NUCB1: variants seen among roughly 807,000 people sequenced by gnomAD.
The protein encoded by NUCB1 is nucleobindin-1.
Under a neutral mutation model 61.2 loss-of-function variants are expected in NUCB1, and 47 were observed. The observed-to-expected ratio is 0.77, with a 90% CI of 0.61 to 0.98. The LOEUF (loss-of-function observed/expected upper bound fraction) is 0.98. Ranked by LOEUF, NUCB1 falls within the 50% of genes least tolerant of loss-of-function variation. The probability of loss-of-function intolerance (pLI) is 0.00; values close to 1 mark genes in which losing one functional copy is unlikely to be tolerated. For missense variants in NUCB1, 583 were observed against 605.3 expected, an observed-to-expected ratio of 0.96 and a Z score of 0.39; for synonymous variants, 234 against 243.1, an observed-to-expected ratio of 0.96 and a Z score of 0.35.
chr19:48,908,647 C>CCGTG (rs1255234048), intron 4 of NUCB1, among the ~76,000 whole-genome samples: 3 of 50,032 alleles, frequency 6.0e-5, no homozygotes, highest in Non-Finnish European at 1.1e-4. Context: ...TTCTAGCTGC[C>CCGTG]CGTGTGTGTG....
At chr19:48,911,807 G>T (rs1478555223) in intron 5 of NUCB1, among the ~76,000 whole-genome samples, 1 of 151,970 alleles carries the variant, frequency 6.6e-6, no homozygotes, top group East Asian at 1.9e-4. Context: ...TGAGATTCCA[G>T]GTGGACATGA....
chr19:48,905,861 A>G lies in NUCB1; in HGVS notation c.352A>G (p.Lys118Glu). ...VSRLRMLLKA[K>E]MDAEQDPNVQ... ...ACGGCTGCGGATGCTGCTCAAGGCC[A>G]AGATGGACGCCGAGCAGGATCCCAG... Residue 118 changes from lysine to glutamate, a missense_variant, in exon 4 of 13, where the codon AAG (lysine) becomes GAG (glutamate). Lys to Glu is a moderately conservative substitution (Grantham distance 56). Coordinates refer to ENST00000405315, the MANE Select transcript of NUCB1 (RefSeq NM_006184.6). 6.4e-7 allele frequency: 1 copy of G among 1,553,342 alleles called. No individual in the cohort carries two copies. Among genetic ancestry groups the G allele is most frequent in the Admixed American group, 1.7e-5 (1 of 57,880 alleles).
intron 1 of NUCB1, 153 bp from the exon 2 acceptor site, chr19:48,900,633 C>G (rs1324123114): frequency 2.9e-6 from 3 of 1,032,694 alleles, no homozygotes; most frequent in African/African-American, 3.2e-5. Context: ...AAGGGAAGGC[C>G]GGAGGCCTGG....
chr19:48,921,775 T>C, intron 11 of NUCB1, 52 bp from the exon 12 acceptor site: 2 of 1,563,950 alleles, frequency 1.3e-6, no homozygotes, highest in Non-Finnish European at 1.8e-6. Context: ...CCTGAGCACT[T>C]GCAATGCCAG....
At chr19:48,906,842 C>A (rs1315220465) in intron 4 of NUCB1, among the ~76,000 whole-genome samples, 1 of 152,174 alleles carries the variant, frequency 6.6e-6, no homozygotes, top group Non-Finnish European at 1.5e-5. Flanking sequence ...TGCTTTGTCA[C>A]TCACGTTTGG....
At chr19:48,906,946 C>T (rs2037418673) in intron 4 of NUCB1, among the ~76,000 whole-genome samples, 2 of 151,734 alleles carry the variant, frequency 1.3e-5, no homozygotes, top group African/African-American at 4.9e-5. Flanking sequence ...TTTATCAGGT[C>T]ACACTGTTTT....
chr19:48,904,320 C>T, intron 2 of NUCB1, 27 bp from the exon 3 acceptor site: 1 of 1,477,446 alleles, frequency 6.8e-7, no homozygotes, highest in Non-Finnish European at 9.5e-7. Context: ...GGAGCAGGGG[C>T]TGCTATGTCT....
At chr19:48,905,994 C>T (rs568714072) in intron 4 of NUCB1, 109 bp downstream of exon 4, 2 of 1,165,384 alleles carry the variant, frequency 1.7e-6, no homozygotes, top group East Asian at 2.6e-5. Flanking sequence ...TCCCTCCCCG[C>T]TGCGAAATGT....
chr19:48,919,997 G>T lies in NUCB1; in HGVS notation c.1002+711G>T, dbSNP rs10426872. Among the ~76,000 whole-genome samples the T allele has an allele frequency of 4.0e-3, 611 of 152,160 alleles. 7 individuals are homozygous for T. The highest frequency in any genetic ancestry group is 0.014 in the African/African-American group (594 of 41,526). ...TCGGCCAGGCTGCTCTAGAACTGCT[G>T]GACTCAAGCGATCCACCTGACCTGG... On this transcript the variant is annotated intron_variant, in intron 10 of 12. Coordinates refer to ENST00000405315, the MANE Select transcript of NUCB1 (RefSeq NM_006184.6).
At position 48,913,086 on chromosome 19, in the gene NUCB1, G is replaced by C; in HGVS notation, c.556G>C (p.Glu186Gln). 6.2e-7 allele frequency: 1 copy of C among 1,613,712 alleles called. No homozygotes were observed. Among genetic ancestry groups the C allele is most frequent in the Middle Eastern group, 1.6e-4 (1 of 6,062 alleles). ...GCGCTACGAGATGCTTAAGGAACAC[G>C]AGAGACGGCGTTATCTGGAGTCACT... ...FKRYEMLKEH[E>Q]RRRYLESLGE... is the part of the protein sequence containing the mutation. The change falls in exon 6 of 13, where the codon GAG (glutamate) becomes CAG (glutamine). Residue 186 changes from glutamate (E) to glutamine (Q), a missense_variant. Glu to Gln is a conservative substitution (Grantham distance 29). Transcript: ENST00000405315.
At chr19:48,905,984 T>TC (rs879869426) in intron 4 of NUCB1, 99 bp downstream of exon 4, 8 of 1,286,146 alleles carry the variant, frequency 6.2e-6, no homozygotes, top group Non-Finnish European at 8.7e-6. Context: ...AGGTGAGGCC[T>TC]CCCTCCCCGC....
intron 5 of NUCB1, 115 bp downstream of exon 5, chr19:48,911,367 T>G (rs2037470207): frequency 2.8e-6 from 2 of 702,046 alleles, no homozygotes; most frequent in East Asian, 2.8e-5. Flanking sequence ...TCTCTGAGGT[T>G]GGAGGCTGGT....
intron 6 of NUCB1, 134 bp from the exon 7 acceptor site, chr19:48,913,340 C>T (rs936577272): frequency 4.2e-6 from 5 of 1,204,538 alleles, no homozygotes; most frequent in Middle Eastern, 1.9e-4. Flanking sequence ...CCAGGGTCTG[C>T]TGGGAGTTGT....
At chr19:48,919,951 T>C (rs2037590700) in intron 10 of NUCB1, among the ~76,000 whole-genome samples, 1 of 151,946 alleles carries the variant, frequency 6.6e-6, no homozygotes, top group Non-Finnish European at 1.5e-5. Context: ...GTATTTTTTG[T>C]AGAGATGGGG....
At position 48,910,005 on chromosome 19, in the gene NUCB1, A is replaced by G. The variant is rs2037454570; in HGVS notation, c.377-1144A>G. On this transcript the variant is annotated intron_variant, in intron 4 of 12. Coordinates refer to ENST00000405315, the MANE Select transcript of NUCB1 (RefSeq NM_006184.6). ...TCAACATAGAAACTTAGGAGCGTGCAATTTAACCCCTAAGATTGGTTGATG... is the reference window on the plus strand; with the variant it reads ...TCAACATAGAAACTTAGGAGCGTGCGATTTAACCCCTAAGATTGGTTGATG... Among the ~76,000 whole-genome samples the G allele has an allele frequency of 2.6e-5, 4 of 152,128 alleles. No homozygotes were observed. In the South Asian group the frequency reaches 8.3e-4, roughly 32 times the overall value.
At position 48,921,879 on chromosome 19, in the gene NUCB1, A is replaced by C; in HGVS notation, c.1226A>C (p.His409Pro). 1 of 1,612,786 alleles carries C rather than the reference A, an allele frequency of 6.2e-7. No homozygotes were observed. The highest frequency in any genetic ancestry group is 8.5e-7 in the Non-Finnish European group (1 of 1,179,874). Residue 409 changes from histidine (H) to proline (P), a missense_variant, in exon 12 of 13, where the codon CAC (histidine) becomes CCC (proline). By Grantham distance (77) the His-to-Pro change is moderately conservative. Coordinates refer to ENST00000405315, the MANE Select transcript of NUCB1 (RefSeq NM_006184.6). ...CAGCAGCAGCAGCAGCAGCAAGGCC[A>C]CAAGGCCCCGGCTGCCCACCCTGAG... The part of the protein sequence containing the change: ...RKQQQQQQQG[H>P]KAPAAHPEGQ...
intron 7 of NUCB1, among the ~76,000 whole-genome samples, chr19:48,916,004 C>T (rs1412960685): frequency 6.6e-6 from 1 of 152,098 alleles, no homozygotes; most frequent in Non-Finnish European, 1.5e-5. Flanking sequence ...CACTGTCATG[C>T]AACCAATTCT....
At position 48,910,761 on chromosome 19, in the gene NUCB1, C is replaced by A. The variant is rs546669036; in HGVS notation, c.377-388C>A. Among the ~76,000 whole-genome samples, 25 of 152,138 alleles carry A rather than the reference C, an allele frequency of 1.6e-4. No homozygotes were observed. The South Asian group carries it at 5.0e-3, about 30-fold the overall frequency. On this transcript the variant is annotated intron_variant, in intron 4 of 12. Coordinates refer to ENST00000405315, the MANE Select transcript of NUCB1 (RefSeq NM_006184.6). ...CCAATGGCTGGTTCCCATCCTTGCT[C>A]TGCCACTTGCTAGCTGGTACCCTAG...
chr19:48,911,419 T>G (rs2037472194), intron 5 of NUCB1, among the ~76,000 whole-genome samples, 167 bp downstream of exon 5: 2 of 148,408 alleles, frequency 1.3e-5, no homozygotes, highest in African/African-American at 5.0e-5. Flanking sequence ...TTTTTTTTTT[T>G]TTTGAGACGA....
Sources: gnomAD v4.1 joint callset for allele counts (sites outside exome capture counted in the v4.1 genomes callset) on GRCh38, gnomAD v4.1.1 for gene constraint, MANE v1.5 for transcripts, NCBI Gene and HGNC (gene_info 2026-07-23, HGNC 2026-07-21) for gene names.